TLR6: variants seen among roughly 807,000 people sequenced by gnomAD.
TLR6 encodes toll like receptor 6.
Under a neutral mutation model 16.1 loss-of-function variants are expected in TLR6, and 9 were observed. The ratio of observed to expected loss-of-function variants is 0.56; its 90% CI spans 0.34 to 0.98. TLR6 has a LOEUF of 0.98. TLR6 is among the 50% of genes least tolerant of loss of function. TLR6 has a pLI of 0.02. For synonymous variants in TLR6, 340 were observed against 338.6 expected, an observed-to-expected ratio of 1.00 and a Z score of -0.04; for missense variants, 786 against 921.0, an observed-to-expected ratio of 0.85 and a Z score of 1.90.
intron 1 of TLR6, among the ~76,000 whole-genome samples, chr4:38,853,382 T>TA (rs970610677): frequency 1.9e-4 from 18 of 94,412 alleles, no homozygotes; most frequent in African/African-American, 3.2e-4. Context: ...AGTATAATAA[T>TA]AAAAAAAAAA....
At chr4:38,840,790 C>T (rs1254236056) in intron 1 of TLR6, among the ~76,000 whole-genome samples, 1 of 152,178 alleles carries the variant, frequency 6.6e-6, no homozygotes, top group South Asian at 2.1e-4. Context: ...GAACATTTAA[C>T]AGGAATGCTC....
chr4:38,832,787 G>A (rs769416465), intron 1 of TLR6, among the ~76,000 whole-genome samples: 9 of 152,070 alleles, frequency 5.9e-5, no homozygotes, highest in East Asian at 5.8e-4. Flanking sequence ...GCAATGCCCC[G>A]CATCCCAGGA....
exon 2 of TLR6, chr4:38,826,258 G>A (rs1457301397): frequency 6.6e-6 from 1 of 152,260 alleles, no homozygotes; most frequent in Non-Finnish European, 1.5e-5. Flanking sequence ...GTCTTCTAGA[G>A]ATGGATAATA....
chr4:38,846,035 T>C (rs1239702553), intron 1 of TLR6, among the ~76,000 whole-genome samples: 2 of 142,406 alleles, frequency 1.4e-5, no homozygotes, highest in African/African-American at 5.4e-5. Flanking sequence ...GAGGTTGCAG[T>C]GAGCTGAGAT....
At chr4:38,832,434 T>G (rs1711656135) in intron 1 of TLR6, among the ~76,000 whole-genome samples, 1 of 152,094 alleles carries the variant, frequency 6.6e-6, no homozygotes, top group Non-Finnish European at 1.5e-5. Flanking sequence ...TCTTCAGAGG[T>G]CAATGTTTCC....
At chr4:38,841,032 T>A (rs1712232673) in intron 1 of TLR6, among the ~76,000 whole-genome samples, 1 of 152,338 alleles carries the variant, frequency 6.6e-6, no homozygotes, top group African/African-American at 2.4e-5. Context: ...ATACTTTTTC[T>A]TCTTAATTTT....
At chr4:38,866,499 AT>A in the TLR6 span, among the ~76,000 whole-genome samples, 2 of 151,918 alleles carry the variant, frequency 1.3e-5, no homozygotes, top group African/African-American at 2.4e-5. Context: ...TCTCAAAAAA[AT>A]GAATTAATAA....
chr4:38,839,524 C>T (rs1193869572), intron 1 of TLR6, among the ~76,000 whole-genome samples: 3 of 152,178 alleles, frequency 2.0e-5, no homozygotes, highest in African/African-American at 7.2e-5. Flanking sequence ...CCCAAAAACT[C>T]CAAGACATAC....
At chr4:38,850,060 T>A (rs1712702636) in intron 1 of TLR6, among the ~76,000 whole-genome samples, 1 of 152,134 alleles carries the variant, frequency 6.6e-6, no homozygotes, top group Non-Finnish European at 1.5e-5. Flanking sequence ...AAACTAGAAC[T>A]CAGGATTAAG....
At chr4:38,852,563 G>A (rs1326516060) in intron 1 of TLR6, among the ~76,000 whole-genome samples, 2 of 152,104 alleles carry the variant, frequency 1.3e-5, no homozygotes, top group Non-Finnish European at 2.9e-5. Context: ...ATCAAAAAGT[G>A]GGCGAAGGAT....
chr4:38,856,834 CA>C (rs1163866051), upstream of TLR6: 8 of 110,804 alleles, frequency 7.2e-5, no homozygotes, highest in East Asian at 1.1e-3. Context: ...GCTTGACAAA[CA>C]CAAGTTCTTA....
At chr4:38,846,701 C>A (rs925909553) in intron 1 of TLR6, among the ~76,000 whole-genome samples, 6 of 151,978 alleles carry the variant, frequency 3.9e-5, no homozygotes, top group African/African-American at 1.5e-4. Flanking sequence ...TGACAAAAAT[C>A]TTAATAGAAA....
intron 1 of TLR6, among the ~76,000 whole-genome samples, chr4:38,837,360 T>C (rs1299316194): frequency 2.0e-5 from 3 of 152,328 alleles, no homozygotes; most frequent in Middle Eastern, 3.4e-3. Flanking sequence ...AGTAGCATGG[T>C]ATTGGTACAA....
At chr4:38,857,032 A>G (rs1276536686), upstream of TLR6, among the ~76,000 whole-genome samples, 1 of 152,224 alleles carries the variant, frequency 6.6e-6, no homozygotes, top group Non-Finnish European at 1.5e-5. Context: ...AAACAATTCA[A>G]TGTGAAGAAA....
Position 38,853,382 on chromosome 4 carries a change from TA to T in TLR6, c.-65+3378del, listed in dbSNP as rs970610677. On this transcript the variant is annotated intron_variant, in intron 1 of 1. Transcript: ENST00000436693. ...TACCCTAGAACTTAAAGTATAATAA[TA>T]AAAAAAAAAGAATGCACACATTGTT... is the stretch of plus-strand genomic sequence containing the variant. 2.5e-3 allele frequency among the ~76,000 whole-genome samples: 239 copies of T among 94,452 alleles called. 1 individual carries two copies. The highest frequency in any genetic ancestry group is 6.1e-3 in the African/African-American group (193 of 31,484). The allele number at this position is 94,452 out of a possible 152,430, so 62.0% of individuals were successfully genotyped here.
chr4:38,837,989 G>GA (rs905789212), intron 1 of TLR6, among the ~76,000 whole-genome samples: 1 of 152,048 alleles, frequency 6.6e-6, no homozygotes, highest in Non-Finnish European at 1.5e-5. Flanking sequence ...AGAGTTATAT[G>GA]AAAAAAATGC....
At chr4:38,861,823 A>C in the TLR6 span, among the ~76,000 whole-genome samples, 1 of 152,062 alleles carries the variant, frequency 6.6e-6, no homozygotes, top group Non-Finnish European at 1.5e-5. Flanking sequence ...GGATTACCCA[A>C]GGCTCAGATT....
At chr4:38,832,204 G>C (rs890147258) in intron 1 of TLR6, among the ~76,000 whole-genome samples, 1 of 152,160 alleles carries the variant, frequency 6.6e-6, no homozygotes, top group African/African-American at 2.4e-5. Context: ...TGGCTGAATA[G>C]AGGCACCTAG....
intron 1 of TLR6, among the ~76,000 whole-genome samples, chr4:38,856,166 C>T (rs1393511131): frequency 6.6e-6 from 1 of 152,184 alleles, no homozygotes; most frequent in Non-Finnish European, 1.5e-5. Context: ...GGCTTGGTCC[C>T]GGCCACTTCC....
Sources: gnomAD v4.1 joint callset for allele counts (sites outside exome capture counted in the v4.1 genomes callset) on GRCh38, gnomAD v4.1.1 for gene constraint, MANE v1.5 for transcripts, NCBI Gene and HGNC (gene_info 2026-07-23, HGNC 2026-07-21) for gene names.